SDK1: variants seen among roughly 807,000 people sequenced by gnomAD.
The protein encoded by SDK1 is sidekick cell adhesion molecule 1, also known as protein sidekick-1.
SDK1 carries 157 observed loss-of-function variants against 245.5 expected under a neutral mutation model. The observed-to-expected ratio is 0.64, with a 90% CI of 0.56 to 0.73. The LOEUF is 0.73. Ranked by LOEUF, SDK1 falls within the 30% of genes least tolerant of loss-of-function variation. The pLI is 0.00. For missense variants in SDK1, 3,583 were observed against 3,002.3 expected (o/e 1.19, Z -4.52); for synonymous variants, 1,647 against 1,278.5 (o/e 1.29, Z -6.15).
chr7:3,430,656 A>G (rs755785008), intron 1 of SDK1, among the ~76,000 whole-genome samples: 15 of 152,192 alleles, frequency 9.9e-5, no homozygotes, highest in Non-Finnish European at 2.1e-4. Flanking sequence ...CTGATTCCAG[A>G]ATCCCAAAAG....
At chr7:4,135,871 C>T (rs1779050743) in intron 28 of SDK1, among the ~76,000 whole-genome samples, 1 of 152,328 alleles carries the variant, frequency 6.6e-6, no homozygotes, top group East Asian at 1.9e-4. Flanking sequence ...CCATTGGGGG[C>T]TCAGCCTGGT....
intron 1 of SDK1, among the ~76,000 whole-genome samples, chr7:3,413,841 C>T (rs970819128): frequency 2.6e-5 from 4 of 152,276 alleles, no homozygotes; most frequent in African/African-American, 7.2e-5. Flanking sequence ...ATTAAAATAT[C>T]AGCCAGATGT....
chr7:3,712,651 T>G (rs1562389336), intron 4 of SDK1, among the ~76,000 whole-genome samples: 1 of 152,196 alleles, frequency 6.6e-6, no homozygotes, highest in Admixed American at 6.5e-5. Flanking sequence ...GATAGGACAT[T>G]TCACTGCCTT....
At chr7:4,048,048 C>A (rs1789148355) in intron 17 of SDK1, among the ~76,000 whole-genome samples, 1 of 152,132 alleles carries the variant, frequency 6.6e-6, no homozygotes, top group African/African-American at 2.4e-5. Context: ...GAAGAGAAGA[C>A]TTGAGGGGCT....
Position 3,565,912 on chromosome 7 carries a change from G to C in SDK1, c.299-53168G>C, listed in dbSNP as rs138868358. Among the ~76,000 whole-genome samples, 27 of 152,300 alleles carry C rather than the reference G, an allele frequency of 1.8e-4. No homozygotes were observed. The East Asian group carries it at 5.2e-3, about 29-fold the overall frequency. ...CATAGATGTGGAACCCACAGATGCAGAGGATGAACTGTACATATGATCAAA... is the reference window on the plus strand; with the variant it reads ...CATAGATGTGGAACCCACAGATGCACAGGATGAACTGTACATATGATCAAA... On this transcript the variant is annotated intron_variant, in intron 1 of 44. Coordinates refer to ENST00000404826, the MANE Select transcript of SDK1 (RefSeq NM_152744.4).
At chr7:3,614,668 C>T (rs1015594775) in intron 1 of SDK1, among the ~76,000 whole-genome samples, 6 of 152,202 alleles carry the variant, frequency 3.9e-5, no homozygotes, top group Non-Finnish European at 1.5e-5. Flanking sequence ...TGTTTACCTA[C>T]TGTATGTATT....
rs145611204 is a variant in SDK1, at chr7:3,503,482, C to T, written c.299-115598C>T. Among the ~76,000 whole-genome samples, 11 of 152,032 alleles carry T rather than the reference C, an allele frequency of 7.2e-5. No homozygotes were observed. The East Asian group carries it at 2.1e-3, about 29-fold the overall frequency. On this transcript the variant is annotated intron_variant, in intron 1 of 44. Coordinates refer to ENST00000404826, the MANE Select transcript of SDK1 (RefSeq NM_152744.4). ...TTGCTTGAGCCCAGGAGTTTGAGAC[C>T]AGCCGGGCAATATAGTGAGAACCTT...
rs1781134122 is a variant in SDK1 at position 3,368,021 on chromosome 7, A to G, written c.298+66137A>G. ...GACTGTGAAAAAGTGGTGCCATCAC[A>G]TCATCAGATCTCTTATTGCAGAAGT... On this transcript the variant is annotated intron_variant, in intron 1 of 44. Transcript: ENST00000404826. Among the ~76,000 whole-genome samples, 3 of 152,224 alleles carry G rather than the reference A, an allele frequency of 2.0e-5. No individual in the cohort carries two copies. In the South Asian group the frequency reaches 6.2e-4, roughly 32 times the overall value.
intron 17 of SDK1, among the ~76,000 whole-genome samples, chr7:4,037,898 T>A (rs143477068): frequency 6.6e-6 from 1 of 152,196 alleles, no homozygotes; most frequent in Non-Finnish European, 1.5e-5. Context: ...CCAAAACTTA[T>A]AATTTTTTTC....
intron 5 of SDK1, among the ~76,000 whole-genome samples, chr7:3,842,717 G>A (rs1780189503): frequency 6.6e-6 from 1 of 152,130 alleles, no homozygotes; most frequent in African/African-American, 2.4e-5. Context: ...CAGCTAAAAT[G>A]CTGGCTAAGA....
chr7:3,562,937 C>T lies in SDK1; in HGVS notation c.299-56143C>T, dbSNP rs531164847. The stretch of plus-strand genomic sequence containing the variant: ...AAGAGATAGGGGAGGTAAGGGGGAT[C>T]AAGTCCCCTGGCAAAGTTCATTGAT... On this transcript the variant is annotated intron_variant, in intron 1 of 44. Coordinates refer to ENST00000404826, the MANE Select transcript of SDK1 (RefSeq NM_152744.4). Among the ~76,000 whole-genome samples, 9 of 112,710 alleles carry T rather than the reference C, an allele frequency of 8.0e-5. No homozygotes were observed. The Admixed American group carries it at 8.2e-4, about 10-fold the overall frequency. The allele number at this position is 112,710 out of a possible 152,430, so 73.9% of individuals were successfully genotyped here.
At chr7:3,848,869 G>A (rs1001037397) in intron 5 of SDK1, among the ~76,000 whole-genome samples, 51 of 151,950 alleles carry the variant, frequency 3.4e-4, no homozygotes, top group Non-Finnish European at 5.3e-4. Context: ...ACAGGGTTTC[G>A]CCATGTTGAC....
chr7:4,001,006 C>T (rs1337152996), intron 14 of SDK1, among the ~76,000 whole-genome samples: 3 of 152,130 alleles, frequency 2.0e-5, no homozygotes, highest in Admixed American at 1.3e-4. Context: ...CTCACCAAGA[C>T]GAGATGGGGG....
rs577435289 is a variant in SDK1 at position 3,900,126 on chromosome 7, A to G, written c.848-50797A>G. On this transcript the variant is annotated intron_variant, in intron 5 of 44. Transcript: ENST00000404826. ...CTCCTCCCAGTTTCCTCTTTGCTGAAGAAACCATGAACCTGAAGTTGGTGC... is the reference window on the plus strand; with the variant it reads ...CTCCTCCCAGTTTCCTCTTTGCTGAGGAAACCATGAACCTGAAGTTGGTGC... 2.6e-5 allele frequency among the ~76,000 whole-genome samples: 4 copies of G among 152,354 alleles called. No homozygotes were observed. The South Asian group carries it at 8.3e-4, about 32-fold the overall frequency.
At position 4,078,074 on chromosome 7, in the gene SDK1, A is replaced by G. The variant is rs756322216; in HGVS notation, c.3202+885A>G. On this transcript the variant is annotated intron_variant, in intron 21 of 44. Transcript: ENST00000404826. ...TGCTTCCAGAAACACTCTGACGCAC[A>G]CTACGTCTGGAGCCACAGAGTGGAG... 2.6e-5 allele frequency among the ~76,000 whole-genome samples: 4 copies of G among 152,232 alleles called. No homozygotes were observed. The South Asian group carries it at 8.3e-4, about 32-fold the overall frequency.
At chr7:3,674,425 A>C (rs1270319024) in intron 4 of SDK1, among the ~76,000 whole-genome samples, 1 of 152,106 alleles carries the variant, frequency 6.6e-6, no homozygotes, top group Non-Finnish European at 1.5e-5. Flanking sequence ...CTTCCTGTTG[A>C]GCAAGAAGAA....
At chr7:3,413,153 C>T (rs913237849) in intron 1 of SDK1, among the ~76,000 whole-genome samples, 19 of 152,082 alleles carry the variant, frequency 1.2e-4, no homozygotes, top group African/African-American at 4.6e-4. Context: ...GTAAAGGAGC[C>T]AGAAATGTGG....
intron 4 of SDK1, among the ~76,000 whole-genome samples, chr7:3,686,503 CT>C (rs1402144069): frequency 1.1e-4 from 17 of 152,344 alleles, no homozygotes; most frequent in African/African-American, 7.2e-5. Flanking sequence ...ACACATATGC[CT>C]GTCACTCACG....
chr7:3,950,417 C>T (rs1780757548), intron 5 of SDK1, among the ~76,000 whole-genome samples: 1 of 152,218 alleles, frequency 6.6e-6, no homozygotes, highest in Non-Finnish European at 1.5e-5. Flanking sequence ...CTCCGTCAAC[C>T]ATGGTCCGAA....
Sources: allele counts gnomAD v4.1 joint callset (sites outside exome capture counted in the v4.1 genomes callset), GRCh38; gene constraint gnomAD v4.1.1; transcripts MANE v1.5; gene names NCBI Gene and HGNC (gene_info 2026-07-23, HGNC 2026-07-21).